VCAN: variants seen among roughly 807,000 people sequenced by gnomAD.
The protein encoded by VCAN is versican, also known as versican core protein.
A neutral mutation model predicts 245.5 loss-of-function variants in VCAN; 44 were observed. That is an observed-to-expected ratio of 0.18 (90% CI 0.14 to 0.23). The LOEUF (loss-of-function observed/expected upper bound fraction) is 0.23. Among genes scored for constraint, VCAN ranks in the 10% least tolerant of loss-of-function variants. The pLI, the probability that VCAN is intolerant of heterozygous loss-of-function variation, is 1.00. For missense variants in VCAN, 3,793 were observed against 4,057.9 expected, an observed-to-expected ratio of 0.93 and a Z score of 1.77; for synonymous variants, 1,413 against 1,437.0, an observed-to-expected ratio of 0.98 and a Z score of 0.38.
At chr5:83,561,427 A>G (rs1747862531) in intron 12 of VCAN, among the ~76,000 whole-genome samples, 1 of 152,138 alleles carries the variant, frequency 6.6e-6, no homozygotes, top group African/African-American at 2.4e-5. Flanking sequence ...ATTAACCTTC[A>G]TTACTTAAAT....
chr5:83,510,311 C>A (rs555473685), intron 5 of VCAN, among the ~76,000 whole-genome samples: 1 of 152,184 alleles, frequency 6.6e-6, no homozygotes, highest in Non-Finnish European at 1.5e-5. Flanking sequence ...TGGCCATTTT[C>A]CCCATGACTA....
intron 7 of VCAN, among the ~76,000 whole-genome samples, chr5:83,529,689 A>C (rs310510): frequency 0.023 from 3,462 of 152,200 alleles, 136 homozygotes; most frequent in East Asian, 0.14. Flanking sequence ...TATAATTAAA[A>C]ATTTATAATA....
At chr5:83,528,989 TACACACACACAC>T (rs58804437) in intron 7 of VCAN, among the ~76,000 whole-genome samples, 33 of 141,500 alleles carry the variant, frequency 2.3e-4, no homozygotes, top group East Asian at 6.3e-4. Context: ...GAAACAAAGA[TACACACACACAC>T]ACACACACAC....
intron 13 of VCAN, among the ~76,000 whole-genome samples, chr5:83,578,871 G>C (rs938228534): frequency 6.6e-6 from 1 of 152,000 alleles, no homozygotes; most frequent in African/African-American, 2.4e-5. Context: ...TTTTTTTAAA[G>C]CATATCATTT....
intron 6 of VCAN, among the ~76,000 whole-genome samples, chr5:83,514,326 G>A (rs1484412304): frequency 6.6e-6 from 1 of 151,964 alleles, no homozygotes; most frequent in Non-Finnish European, 1.5e-5. Flanking sequence ...TGCGTAGAAG[G>A]TTAAAAGCAT....
Position 83,540,080 on chromosome 5 carries a change from A to G in VCAN, c.7077A>G (p.Gln2359=), listed in dbSNP as rs985910407. 3 of 1,613,928 alleles carry G rather than the reference A, an allele frequency of 1.9e-6. No homozygotes were observed. The highest frequency in any genetic ancestry group is 2.7e-5 in the African/African-American group (2 of 74,928). ...LPFSTDIGHP[Q]NQTVRWAEEI... The stretch of plus-strand genomic sequence containing the variant: ...TCTCCACGGACATCGGACATCCTCA[A>G]AATCAGACTGTCAGGTGGGCAGAAG... The change falls in exon 8 of 15, where the codon CAA becomes CAG. Residue 2359 remains glutamine, a synonymous_variant. Coordinates refer to ENST00000265077, the MANE Select transcript of VCAN (RefSeq NM_004385.5).
chr5:83,483,052 T>C (rs904513635), intron 1 of VCAN, among the ~76,000 whole-genome samples: 8 of 152,232 alleles, frequency 5.3e-5, no homozygotes, highest in African/African-American at 1.9e-4. Context: ...TGAAGATGTC[T>C]TTCTTTCAAC....
chr5:83,512,656 C>A, intron 6 of VCAN: 1 of 400,668 alleles, frequency 2.5e-6, no homozygotes, highest in Admixed American at 4.1e-5. Context: ...GTGTCCAGAG[C>A]CACAGAGCAT....
rs1746009812 is a variant in VCAN at position 83,519,822 on chromosome 5, A to G, written c.1516A>G (p.Lys506Glu). Reference sequence around the variant, plus strand: ...TTTGGTAACATCTATGGAAATCTTAAAGCACATTCCTTCCAAGGAATTCCC... The same window carrying G: ...TTTGGTAACATCTATGGAAATCTTAGAGCACATTCCTTCCAAGGAATTCCC... Reference protein sequence around the residue: ...GPLVTSMEILKHIPSKEFPVT... With the variant: ...GPLVTSMEILEHIPSKEFPVT... The change falls in exon 7 of 15, where the codon AAG becomes GAG. Residue 506 changes from lysine (K) to glutamate (E), a missense_variant. By Grantham distance (56) the Lys-to-Glu change is moderately conservative (BLOSUM62 1). Coordinates refer to ENST00000265077, the MANE Select transcript of VCAN (RefSeq NM_004385.5). 9 of 1,614,048 alleles carry G rather than the reference A, an allele frequency of 5.6e-6. No homozygotes were observed. Among genetic ancestry groups the G allele is most frequent in the Non-Finnish European group, 6.8e-6 (8 of 1,180,002 alleles).
intron 5 of VCAN, among the ~76,000 whole-genome samples, chr5:83,495,829 A>G (rs927607271): frequency 1.3e-5 from 2 of 152,202 alleles, no homozygotes; most frequent in Admixed American, 1.3e-4. Context: ...TTCAAATATG[A>G]ATAAGCATCC....
intron 8 of VCAN, among the ~76,000 whole-genome samples, chr5:83,544,286 A>C (rs913776933): frequency 2.0e-5 from 3 of 152,256 alleles, no homozygotes; most frequent in African/African-American, 7.2e-5. Flanking sequence ...TTTTTGGAGA[A>C]GTTGATGTAC....
At chr5:83,531,643 A>T (rs1746527313) in intron 7 of VCAN, among the ~76,000 whole-genome samples, 1 of 152,200 alleles carries the variant, frequency 6.6e-6, no homozygotes, top group Non-Finnish European at 1.5e-5. Context: ...ACGTTTAATT[A>T]AAAGCTCTTA....
chr5:83,517,380 A>T (rs1199583891), intron 6 of VCAN, among the ~76,000 whole-genome samples: 1 of 152,174 alleles, frequency 6.6e-6, no homozygotes, highest in African/African-American at 2.4e-5. Context: ...AGAGGGAAAA[A>T]GTAAATTTAG....
intron 7 of VCAN, 59 bp downstream of exon 7, chr5:83,522,368 A>G (rs1332245000): frequency 1.3e-6 from 2 of 1,579,330 alleles, no homozygotes; most frequent in Admixed American, 3.4e-5. Context: ...CTTGAAAGTT[A>G]CTTTTGGGGA....
At chr5:83,479,406 A>G (rs183764853) in intron 1 of VCAN, among the ~76,000 whole-genome samples, 1 of 152,286 alleles carries the variant, frequency 6.6e-6, no homozygotes. Context: ...TCTCATGGAT[A>G]GGAGTTCCAT....
At position 83,539,567 on chromosome 5, in the gene VCAN, T is replaced by C. The variant is rs142759958; in HGVS notation, c.6564T>C (p.Asn2188=). The stretch of plus-strand genomic sequence containing the variant: ...TGTCTACTCCAGATCCAGATGCAAA[T>C]GGCTTGGAATCTTACACAACTCTCC... ...VNMSTPDPDA[N]GLESYTTLPE... The change falls in exon 8 of 15, where the codon AAT becomes AAC. Residue 2188 remains asparagine, a synonymous_variant. Coordinates refer to ENST00000265077, the MANE Select transcript of VCAN (RefSeq NM_004385.5). The C allele has an allele frequency of 8.9e-5, 143 of 1,613,956 alleles. No individual in the cohort carries two copies. The highest frequency in any genetic ancestry group is 5.8e-5 in the Non-Finnish European group (69 of 1,179,990).
chr5:83,494,061 G>A, intron 5 of VCAN, 130 bp downstream of exon 5: 2 of 1,462,580 alleles, frequency 1.4e-6, no homozygotes, highest in Middle Eastern at 1.8e-4. Flanking sequence ...TTATACGACT[G>A]TATGATTTTG....
In VCAN at chr5:83,538,966, G is replaced by T. The variant is rs750054814; in HGVS notation, c.5963G>T (p.Gly1988Val). ...VHISHISDSEGPSSTMVSTSA... is the reference protein window; with the variant it reads ...VHISHISDSEVPSSTMVSTSA... ...ATCAGTCACATATCTGACTCAGAAG[G>T]ACCCAGTAGCACCATGGTCAGCACT... Residue 1988 changes from glycine to valine, a missense_variant, in exon 8 of 15, where the codon GGA (glycine) becomes GTA (valine). This residue lies in a region of VCAN where 3,182 missense variants were observed against 3,250.3 expected (regional missense o/e 0.98). Transcript: ENST00000265077. 2.5e-6 allele frequency: 4 copies of T among 1,613,864 alleles called. No individual in the cohort carries two copies. In the Admixed American group the frequency reaches 6.7e-5, roughly 27 times the overall value.
At chr5:83,561,738 G>C (rs1229045319) in intron 12 of VCAN, among the ~76,000 whole-genome samples, 2 of 152,156 alleles carry the variant, frequency 1.3e-5, no homozygotes, top group Non-Finnish European at 2.9e-5. Context: ...CCCAGGAAGA[G>C]ACACTTAAAA....
Sources: allele counts gnomAD v4.1 joint callset (sites outside exome capture counted in the v4.1 genomes callset), GRCh38; gene constraint gnomAD v4.1.1; regional missense constraint gnomAD v4.1.1; transcripts MANE v1.5; gene names NCBI Gene and HGNC (gene_info 2026-07-23, HGNC 2026-07-21).